Variants in CNOT1 observed in about 807,000 individuals in gnomAD.
The protein encoded by CNOT1 is CCR4-NOT transcription complex subunit 1.
CNOT1 carries 15 observed loss-of-function variants against 273.8 expected under a neutral mutation model. That is an observed-to-expected ratio of 0.05 (90% CI 0.04 to 0.08). The LOEUF is 0.08. CNOT1 is among the 10% of genes least tolerant of loss of function. The pLI is 1.00. For missense variants in CNOT1, 1,644 were observed against 2,912.2 expected, an observed-to-expected ratio of 0.56 and a Z score of 10.02; for synonymous variants, 1,022 against 1,005.5, an observed-to-expected ratio of 1.02 and a Z score of -0.31.
chr16:58,576,565 A>C lies in CNOT1; in HGVS notation c.1602T>G (p.Ile534Met). 1 of 1,614,182 alleles carries C rather than the reference A, an allele frequency of 6.2e-7. No homozygotes were observed. Among genetic ancestry groups the C allele is most frequent in the Non-Finnish European group, 8.5e-7 (1 of 1,180,020 alleles). ...CCATTGCATGCATGATAAGTTGGCGAATTGAGGGAGACTGTCCCTAAAAAG... is the reference window on the plus strand; with the variant it reads ...CCATTGCATGCATGATAAGTTGGCGCATTGAGGGAGACTGTCCCTAAAAAG... ...AWHGQGQSPS[I>M]RQLIMHAMAE... Residue 534 changes from isoleucine to methionine, a missense_variant, in exon 14 of 49, where the codon ATT (isoleucine) becomes ATG (methionine). Physicochemically the swap from Ile to Met is conservative, Grantham distance 10 (BLOSUM62 1). This residue lies in a region of CNOT1 where 706 missense variants were observed against 1,021.2 expected (regional missense o/e 0.69). Transcript: ENST00000317147.
intron 1 of CNOT1, among the ~76,000 whole-genome samples, chr16:58,606,009 C>T (rs2042664248): frequency 6.6e-6 from 1 of 152,038 alleles, no homozygotes; most frequent in African/African-American, 2.4e-5. Context: ...AAACGATGCA[C>T]AGTGCAAATG....
chr16:58,580,882 CTTAA>C (rs1273546625), intron 11 of CNOT1, 122 bp from the exon 12 acceptor site: 5 of 998,912 alleles, frequency 5.0e-6, no homozygotes, highest in East Asian at 2.8e-5. Context: ...CGTTTAAAAT[CTTAA>C]TTATTTGCCC....
chr16:58,574,569 C>A (rs2041397115), intron 16 of CNOT1, 40 bp downstream of exon 16: 1 of 1,526,576 alleles, frequency 6.6e-7, no homozygotes. Flanking sequence ...TTCATATAAT[C>A]CAATTCAAAA....
intron 3 of CNOT1, among the ~76,000 whole-genome samples, chr16:58,588,274 G>A (rs7188697): frequency 0.75 from 114,318 of 151,958 alleles, 43,414 homozygotes; most frequent in Middle Eastern, 0.86. Flanking sequence ...GGTGACGAGA[G>A]AGAGACTCTG....
Position 58,574,665 on chromosome 16 carries a change from A to G in CNOT1, c.1923T>C (p.Ala641=). The G allele has an allele frequency of 1.2e-6, 2 of 1,607,644 alleles. No individual in the cohort carries two copies. The highest frequency in any genetic ancestry group is 1.7e-6 in the Non-Finnish European group (2 of 1,178,876). ...LAPEKDQPKS[A]QLPPETLATM... ...TCGCCAAAGTTTCTGGAGGAAGTTG[A>G]GCACTTTTGGGCTGGTCTTTTTCTG... The change falls in exon 16 of 49, where the codon GCT becomes GCC. Residue 641 remains alanine (A), a synonymous_variant. Transcript: ENST00000317147.
chr16:58,580,664 G>T lies in CNOT1; in HGVS notation c.1312C>A (p.Pro438Thr). 1 of 1,612,936 alleles carries T rather than the reference G, an allele frequency of 6.2e-7. No individual in the cohort carries two copies. The highest frequency in any genetic ancestry group is 8.5e-7 in the Non-Finnish European group (1 of 1,179,516). Residue 438 changes from proline (P) to threonine (T), a missense_variant, in exon 12 of 49, where the codon CCA becomes ACA. Pro to Thr is a conservative substitution (Grantham distance 38). This residue lies in a region of CNOT1 where 706 missense variants were observed against 1,021.2 expected (regional missense o/e 0.69). Coordinates refer to ENST00000317147, the MANE Select transcript of CNOT1 (RefSeq NM_016284.5). ...TVATDILKAPPEDDNREIATW... is the reference protein window; with the variant it reads ...TVATDILKAPTEDDNREIATW... ...GCAATTTCTCGATTGTCATCCTCTG[G>T]TGGTGCTTTCAGAATATCAGTGGCA...
At chr16:58,568,510 C>A (rs1451386271) in intron 16 of CNOT1, among the ~76,000 whole-genome samples, 1 of 151,934 alleles carries the variant, frequency 6.6e-6, no homozygotes, top group East Asian at 1.9e-4. Flanking sequence ...ATGGTGAAAC[C>A]CTGTCTCTAC....
chr16:58,560,160 C>G, intron 17 of CNOT1, 52 bp downstream of exon 17: 1 of 1,599,520 alleles, frequency 6.3e-7, no homozygotes, highest in South Asian at 1.1e-5. Flanking sequence ...GGAGCTTATT[C>G]TATTCCAAAT....
At chr16:58,535,564 A>G (rs1013588483) in intron 39 of CNOT1, among the ~76,000 whole-genome samples, 1 of 152,204 alleles carries the variant, frequency 6.6e-6, no homozygotes, top group Admixed American at 6.5e-5. Flanking sequence ...CAGAAAGACC[A>G]ATGGATTCCA....
At chr16:58,570,346 A>T (rs1454284797) in intron 16 of CNOT1, among the ~76,000 whole-genome samples, 1 of 152,204 alleles carries the variant, frequency 6.6e-6, no homozygotes, top group African/African-American at 2.4e-5. Flanking sequence ...TCCTAATTAA[A>T]GAACAACTGG....
intron 2 of CNOT1, among the ~76,000 whole-genome samples, chr16:58,596,056 TG>T (rs2042239349): frequency 1.3e-5 from 2 of 152,360 alleles, no homozygotes; most frequent in African/African-American, 4.8e-5. Flanking sequence ...GGAATGATAC[TG>T]AACAAGTGAA....
intron 43 of CNOT1, among the ~76,000 whole-genome samples, chr16:58,529,840 CAAAAAAAAAAAA>C (rs58854069): frequency 4.8e-4 from 33 of 69,386 alleles, no homozygotes; most frequent in Admixed American, 1.4e-3. Flanking sequence ...GACTCTGTCT[CAAAAAAAAAAAA>C]AAAAAAAAAA....
chr16:58,592,783 T>C (rs973534714), intron 2 of CNOT1, among the ~76,000 whole-genome samples: 1 of 152,080 alleles, frequency 6.6e-6, no homozygotes, highest in African/African-American at 2.4e-5. Flanking sequence ...AAAAAAGTTG[T>C]CCATTTAGAG....
chr16:58,594,834 A>C (rs1187664308), intron 2 of CNOT1, among the ~76,000 whole-genome samples: 1 of 150,420 alleles, frequency 6.6e-6, no homozygotes, highest in Non-Finnish European at 1.5e-5. Flanking sequence ...AAAGAAAAAA[A>C]GGCTAGGTAC....
intron 19 of CNOT1, 36 bp from the exon 20 acceptor site, chr16:58,555,944 A>G (rs561408665): frequency 6.2e-7 from 1 of 1,604,548 alleles, no homozygotes; most frequent in East Asian, 2.2e-5. Flanking sequence ...TGGGCATTTA[A>G]GCCCTTCCTC....
At chr16:58,608,553 CAAAA>C (rs11397997) in intron 1 of CNOT1, among the ~76,000 whole-genome samples, 1 of 129,802 alleles carries the variant, frequency 7.7e-6, no homozygotes, top group Non-Finnish European at 1.6e-5. Context: ...GACTCTGTCT[CAAAA>C]AAAAAAAAAA....
chr16:58,546,294 C>G (rs758451797), intron 29 of CNOT1, 27 bp downstream of exon 29: 5 of 1,587,252 alleles, frequency 3.2e-6, no homozygotes, highest in Non-Finnish European at 4.3e-6. Flanking sequence ...CTAACAGAAG[C>G]CTTCCTTGAC....
intron 1 of CNOT1, among the ~76,000 whole-genome samples, chr16:58,629,101 G>C (rs1268271166): frequency 6.6e-6 from 1 of 152,238 alleles, no homozygotes; most frequent in Non-Finnish European, 1.5e-5. Context: ...AACAAAACCT[G>C]TAGCAAGTAA....
In CNOT1 at chr16:58,587,842, T is replaced by C. The variant is rs1177441216; in HGVS notation, c.247A>G (p.Thr83Ala). Residue 83 changes from threonine (T) to alanine (A), a missense_variant, in exon 4 of 49, where the codon ACA becomes GCA. This residue lies in a region of CNOT1 where 706 missense variants were observed against 1,021.2 expected (regional missense o/e 0.69). Transcript: ENST00000317147. ...AGCGTCGAGATAAAATTTGGCTTTGTAATCAGCAACGCACACTCCTGAATC... is the reference window on the plus strand; with the variant it reads ...AGCGTCGAGATAAAATTTGGCTTTGCAATCAGCAACGCACACTCCTGAATC... ...FLIQECALLI[T>A]KPNFISTLSY... 2.5e-6 allele frequency: 4 copies of C among 1,613,804 alleles called. No individual in the cohort carries two copies. Among genetic ancestry groups the C allele is most frequent in the Middle Eastern group, 1.6e-4 (1 of 6,062 alleles).
Sources: gnomAD v4.1 joint callset for allele counts (sites outside exome capture counted in the v4.1 genomes callset) on GRCh38, gnomAD v4.1.1 for gene constraint, gnomAD v4.1.1 regional missense constraint, MANE v1.5 for transcripts, NCBI Gene and HGNC (gene_info 2026-07-23, HGNC 2026-07-21) for gene names.